The following SCN8A variants were observed in gnomAD, a reference collection of about 807,000 sequenced individuals.
SCN8A encodes sodium voltage-gated channel alpha subunit 8.
Under a neutral mutation model 184.1 loss-of-function variants are expected in SCN8A, and 30 were observed. The ratio of observed to expected loss-of-function variants is 0.16; its 90% CI spans 0.12 to 0.22. The LOEUF is 0.22. Among genes scored for constraint, SCN8A ranks in the 10% least tolerant of loss-of-function variants. SCN8A has a pLI of 1.00. For missense variants in SCN8A, 1,057 were observed against 2,498.9 expected (o/e 0.42, Z 12.30); for synonymous variants, 852 against 907.0 (o/e 0.94, Z 1.09).
intron 2 of SCN8A, among the ~76,000 whole-genome samples, chr12:51,678,567 A>G (rs969659016): frequency 6.6e-6 from 1 of 152,202 alleles, no homozygotes; most frequent in Non-Finnish European, 1.5e-5. Context: ...CTCTTATTTT[A>G]TAGACGAAGA....
chr12:51,604,898 T>A (rs1414551113), intron 1 of SCN8A, among the ~76,000 whole-genome samples: 1 of 152,058 alleles, frequency 6.6e-6, no homozygotes, highest in Non-Finnish European at 1.5e-5. Flanking sequence ...GTTGTATAGA[T>A]AGATTACATA....
intron 12 of SCN8A, among the ~76,000 whole-genome samples, chr12:51,727,639 A>G (rs1942176227): frequency 6.6e-6 from 1 of 152,196 alleles, no homozygotes; most frequent in Non-Finnish European, 1.5e-5. Context: ...TTTACCTGGG[A>G]GAGAGGCTCC....
intron 1 of SCN8A, among the ~76,000 whole-genome samples, chr12:51,652,323 G>A (rs1247883157): frequency 6.6e-6 from 1 of 152,048 alleles, no homozygotes; most frequent in Non-Finnish European, 1.5e-5. Flanking sequence ...GGCTTAGGCT[G>A]TCATCTCTCA....
chr12:51,735,743 G>C (rs560766777), intron 12 of SCN8A, among the ~76,000 whole-genome samples: 1 of 152,118 alleles, frequency 6.6e-6, no homozygotes, highest in Admixed American at 6.5e-5. Flanking sequence ...GGCTGCAACC[G>C]GGGGGTCCTC....
intron 16 of SCN8A, chr12:51,768,151 G>T (rs1044673974): frequency 6.6e-6 from 1 of 152,102 alleles, no homozygotes; most frequent in African/African-American, 2.4e-5. Flanking sequence ...CAAGAAGTGA[G>T]CACCTCTCCC....
chr12:51,682,811 C>A (rs922651209), intron 2 of SCN8A, among the ~76,000 whole-genome samples: 2 of 152,118 alleles, frequency 1.3e-5, no homozygotes, highest in African/African-American at 4.8e-5. Flanking sequence ...GCCCTTGCAT[C>A]TCTCAGCTTC....
intron 1 of SCN8A, among the ~76,000 whole-genome samples, chr12:51,640,937 CT>C (rs1940438640): frequency 6.6e-6 from 1 of 152,184 alleles, no homozygotes; most frequent in Non-Finnish European, 1.5e-5. Context: ...CTAGTCAGGT[CT>C]TCTCTGAGTA....
At chr12:51,718,920 T>A (rs1204599332) in intron 11 of SCN8A, among the ~76,000 whole-genome samples, 1 of 152,142 alleles carries the variant, frequency 6.6e-6, no homozygotes, top group Non-Finnish European at 1.5e-5. Flanking sequence ...AGGTAACAAA[T>A]CTTTTGGCAA....
chr12:51,699,521 T>G (rs776542284), intron 6 of SCN8A, 49 bp from the exon 7 acceptor site: 6 of 1,451,972 alleles, frequency 4.1e-6, no homozygotes, highest in East Asian at 2.3e-5. Flanking sequence ...CTTGGGGAGG[T>G]GGGGAGGGCT....
At chr12:51,788,818 C>T in intron 23 of SCN8A, 70 bp downstream of exon 23, 2 of 1,349,086 alleles carry the variant, frequency 1.5e-6, no homozygotes, top group South Asian at 1.4e-5. Flanking sequence ...GTATACCGAG[C>T]CCACCAAGAA....
At chr12:51,681,730 A>G (rs1385537953) in intron 2 of SCN8A, among the ~76,000 whole-genome samples, 14 of 152,250 alleles carry the variant, frequency 9.2e-5, no homozygotes. Flanking sequence ...GGGCGTTTGT[A>G]GAATGAATCT....
chr12:51,638,830 G>C (rs554997426), intron 1 of SCN8A, among the ~76,000 whole-genome samples: 128 of 152,190 alleles, frequency 8.4e-4, no homozygotes, highest in African/African-American at 2.9e-3. Context: ...AGGAGTTCAG[G>C]ATGTTCATGG....
rs1339526187 is a variant in SCN8A at position 51,807,351 on chromosome 12, G to A, written c.5865G>A (p.Lys1955=). Residue 1955 remains lysine, a synonymous_variant, in exon 27 of 27, where the codon AAG becomes AAA. Transcript: ENST00000627620. This position sits in a 1 kb window ranked among gnomAD's most constrained non-coding sequence, Gnocchi z 4.5. ...ATGACAGTGTAACTAAACCTGAAAA[G>A]GAGAAACAGCAGCGGGCAGAGGAAG... is the stretch of plus-strand genomic sequence containing the variant. ...PSYDSVTKPE[K]EKQQRAEEGR... 1.2e-6 allele frequency: 2 copies of A among 1,613,688 alleles called. No individual in the cohort carries two copies. The highest frequency in any genetic ancestry group is 1.7e-6 in the Non-Finnish European group (2 of 1,179,824).
chr12:51,611,566 C>T (rs993723568), intron 1 of SCN8A, among the ~76,000 whole-genome samples: 4 of 151,322 alleles, frequency 2.6e-5, no homozygotes, highest in East Asian at 3.9e-4. Context: ...GGTGTGATCT[C>T]GGCTCACTGC....
chr12:51,619,923 A>G (rs886499402), intron 1 of SCN8A, among the ~76,000 whole-genome samples: 1 of 152,210 alleles, frequency 6.6e-6, no homozygotes, highest in Admixed American at 6.5e-5. Context: ...GCATGTCTGT[A>G]TTAGTAGAGA....
At chr12:51,752,665 T>C (rs936422597) in intron 14 of SCN8A, among the ~76,000 whole-genome samples, 1 of 152,150 alleles carries the variant, frequency 6.6e-6, no homozygotes, top group African/African-American at 2.4e-5. Context: ...TGCAGTCCAG[T>C]GGAATGCCCG....
intron 26 of SCN8A, 74 bp downstream of exon 26, chr12:51,794,715 GGAAT>G: frequency 1.4e-6 from 2 of 1,444,846 alleles, no homozygotes; most frequent in East Asian, 4.6e-5. Flanking sequence ...TCCCAGGAGA[GGAAT>G]GAATGACACA....
At chr12:51,660,133 A>C (rs1940897963) in intron 1 of SCN8A, among the ~76,000 whole-genome samples, 1 of 152,232 alleles carries the variant, frequency 6.6e-6, no homozygotes, top group Non-Finnish European at 1.5e-5. Context: ...CTGTAGTTCA[A>C]CCAGGATAAC....
chr12:51,775,090 T>G (rs1179905584), intron 20 of SCN8A, among the ~76,000 whole-genome samples: 2 of 152,252 alleles, frequency 1.3e-5, no homozygotes, highest in Non-Finnish European at 2.9e-5. Flanking sequence ...GGATGATGAC[T>G]GGTCTCTTAT....
Sources: allele counts gnomAD v4.1 joint callset (sites outside exome capture counted in the v4.1 genomes callset), GRCh38; gene constraint gnomAD v4.1.1; non-coding constraint Gnocchi (gnomAD v3.1); transcripts MANE v1.5; gene names NCBI Gene and HGNC (gene_info 2026-07-23, HGNC 2026-07-21).